Variants in BUB3 observed in about 807,000 individuals in gnomAD.
The protein encoded by BUB3 is BUB3 mitotic checkpoint protein.
BUB3 carries 22 observed loss-of-function variants against 39.9 expected under a neutral mutation model. That is an observed-to-expected ratio of 0.55 (90% CI 0.39 to 0.79). The LOEUF (loss-of-function observed/expected upper bound fraction) is 0.79, where lower values mean the gene tolerates loss of function less well. BUB3 is among the 30% of genes least tolerant of loss of function. The pLI, the probability that BUB3 is intolerant of heterozygous loss-of-function variation, is 0.00. For synonymous variants in BUB3, 168 were observed against 155.1 expected (o/e 1.08, Z -0.62); for missense variants, 303 against 415.4 (o/e 0.73, Z 2.35).
In BUB3 at chr10:123,155,126, C is replaced by T. The variant is rs763063240; in HGVS notation, c.195+14C>T. 3 of 1,611,486 alleles carry T rather than the reference C, an allele frequency of 1.9e-6. No homozygotes were observed. Among genetic ancestry groups the T allele is most frequent in the Admixed American group, 1.7e-5 (1 of 59,948 alleles). ...TGCGCCTTCTACGTAGGTGCCCTCC[C>T]GCCCTGCTCCTGCCCTCTTACTGTG... On this transcript the variant is annotated intron_variant, in intron 2 of 7. Coordinates refer to ENST00000368865, the MANE Select transcript of BUB3 (RefSeq NM_004725.4).
In BUB3 at chr10:123,163,810, G is replaced by A; in HGVS notation, c.972-10G>A. ...TCTCATGCTGTTCTTTTTTTCTTTT[G>A]AACTTGTAGGTCACCATGTACTTGA... On this transcript the variant is annotated splice_polypyrimidine_tract_variant and intron_variant, in intron 7 of 7. Coordinates refer to ENST00000368865, the MANE Select transcript of BUB3 (RefSeq NM_004725.4). 6.2e-7 allele frequency: 1 copy of A among 1,603,324 alleles called. No individual in the cohort carries two copies. Among genetic ancestry groups the A allele is most frequent in the Non-Finnish European group, 8.5e-7 (1 of 1,172,512 alleles).
At position 123,165,286 on chromosome 10, in the gene BUB3, C is replaced by T. The variant is rs1211945768; in HGVS notation, c.*1451C>T. The T allele has an allele frequency of 2.1e-6, 1 of 471,476 alleles. No individual in the cohort carries two copies. The highest frequency in any genetic ancestry group is 1.9e-5 in the African/African-American group (1 of 51,494). 29.2% of individuals were successfully genotyped at this position (471,476 alleles called of 1,614,324 possible). On this transcript the variant is annotated 3_prime_UTR_variant, in exon 8 of 8. Coordinates refer to ENST00000368865, the MANE Select transcript of BUB3 (RefSeq NM_004725.4). Reference sequence around the variant, plus strand: ...CCCCTAGTAAGCCCAGTTGCTGTATCTGAACAGTTTGAGCTCTTTTTGTAA... The same window carrying T: ...CCCCTAGTAAGCCCAGTTGCTGTATTTGAACAGTTTGAGCTCTTTTTGTAA...
chr10:123,163,912 T>C lies in BUB3; in HGVS notation c.*77T>C. Reference sequence around the variant, plus strand: ...CTCCCCAATGGTGGATTTATTACTATTAAAGAAACCAGGGAAAATATTAAT... The same window carrying C: ...CTCCCCAATGGTGGATTTATTACTACTAAAGAAACCAGGGAAAATATTAAT... On this transcript the variant is annotated 3_prime_UTR_variant, in exon 8 of 8. Transcript: ENST00000368865. The C allele has an allele frequency of 6.9e-7, 1 of 1,440,726 alleles. No homozygotes were observed. The highest frequency in any genetic ancestry group is 1.4e-5 in the South Asian group (1 of 69,398). 89.2% of individuals were successfully genotyped at this position (1,440,726 alleles called of 1,614,324 possible).
At chr10:123,158,929 G>T (rs1225350674) in intron 4 of BUB3, among the ~76,000 whole-genome samples, 2 of 152,124 alleles carry the variant, frequency 1.3e-5, no homozygotes, top group Non-Finnish European at 2.9e-5. Context: ...ATGATCAGTG[G>T]GGATAGAAAG....
rs1005939917 is a variant in BUB3 at position 123,167,222 on chromosome 10, A to G, written c.*3387A>G. The stretch of plus-strand genomic sequence containing the variant: ...TGAGAGCCAGGTTACTTTCTTCACT[A>G]TCACTCCGACGCTTGTGTTGATTCC... On this transcript the variant is annotated 3_prime_UTR_variant, in exon 8 of 8. Coordinates refer to ENST00000368865, the MANE Select transcript of BUB3 (RefSeq NM_004725.4). The G allele has an allele frequency of 6.6e-6, 1 of 152,166 alleles. No individual in the cohort carries two copies. The highest frequency in any genetic ancestry group is 1.5e-5 in the Non-Finnish European group (1 of 68,036). 9.4% of individuals were successfully genotyped at this position (152,166 alleles called of 1,614,324 possible).
Position 123,164,892 on chromosome 10 carries a change from G to C in BUB3, c.*1057G>C. ...TTAATTTGCAAATGTATGTCTCTGAGTAGGACTTGGACCTTTCCTGAGATT... is the reference window on the plus strand; with the variant it reads ...TTAATTTGCAAATGTATGTCTCTGACTAGGACTTGGACCTTTCCTGAGATT... On this transcript the variant is annotated 3_prime_UTR_variant, in exon 8 of 8. Coordinates refer to ENST00000368865, the MANE Select transcript of BUB3 (RefSeq NM_004725.4). 2 of 1,407,128 alleles carry C rather than the reference G, an allele frequency of 1.4e-6. No homozygotes were observed. The allele number at this position is 1,407,128 out of a possible 1,614,324, so 87.2% of individuals were successfully genotyped here.
intron 4 of BUB3, among the ~76,000 whole-genome samples, chr10:123,158,986 A>T (rs1844385728): frequency 6.6e-6 from 1 of 152,210 alleles, no homozygotes; most frequent in East Asian, 1.9e-4. Flanking sequence ...GATTTAAGAT[A>T]AAATTCCCAG....
rs1205857490 is a variant in BUB3 at position 123,168,032 on chromosome 10, C to T, written c.*4197C>T. On this transcript the variant is annotated 3_prime_UTR_variant, in exon 8 of 8. Coordinates refer to ENST00000368865, the MANE Select transcript of BUB3 (RefSeq NM_004725.4). ...CCCAGGCAGGTCTCGAACTCCTGGG[C>T]TCAAGCTATCCTCCCGCCTCTTGCC... is the stretch of plus-strand genomic sequence containing the variant. 1 of 151,994 alleles carries T rather than the reference C, an allele frequency of 6.6e-6. No individual in the cohort carries two copies. The highest frequency in any genetic ancestry group is 1.5e-5 in the Non-Finnish European group (1 of 68,004). 9.4% of individuals were successfully genotyped at this position (151,994 alleles called of 1,614,324 possible). A position where few individuals can be genotyped will look rare whatever the true frequency, so the allele number is the denominator to read the frequency against.
chr10:123,162,594 T>C lies in BUB3; in HGVS notation c.755-18T>C, dbSNP rs1348502407. 6.3e-7 allele frequency: 1 copy of C among 1,599,260 alleles called. No individual in the cohort carries two copies. The highest frequency in any genetic ancestry group is 8.5e-7 in the Non-Finnish European group (1 of 1,175,318). Reference sequence around the variant, plus strand: ...CTGGTGTTAAGAACCATTTTAACTGTTTTGAAATTACTTCCAGGTGGTTCT... The same window carrying C: ...CTGGTGTTAAGAACCATTTTAACTGCTTTGAAATTACTTCCAGGTGGTTCT... On this transcript the variant is annotated intron_variant, in intron 6 of 7. Coordinates refer to ENST00000368865, the MANE Select transcript of BUB3 (RefSeq NM_004725.4).
At position 123,162,682 on chromosome 10, in the gene BUB3, C is replaced by T; in HGVS notation, c.825C>T (p.Tyr275=). 1 of 1,609,416 alleles carries T rather than the reference C, an allele frequency of 6.2e-7. No homozygotes were observed. Among genetic ancestry groups the T allele is most frequent in the Non-Finnish European group, 8.5e-7 (1 of 1,178,914 alleles). ...AGCGACTGTGCCAATTCCATCGGTA[C>T]CCCACGAGCATCGCATCACTTGCCT... The part of the protein sequence containing the change: ...NKKRLCQFHR[Y]PTSIASLAFS... Residue 275 remains tyrosine (Y), a synonymous_variant, in exon 7 of 8, where the codon TAC becomes TAT. Transcript: ENST00000368865.
chr10:123,154,790 C>T (rs1320071567), intron 1 of BUB3, 128 bp from the exon 2 acceptor site: 5 of 1,024,618 alleles, frequency 4.9e-6, no homozygotes, highest in Admixed American at 2.8e-5. Flanking sequence ...TCGGCGCAGG[C>T]GCAAGCGCAG....
intron 1 of BUB3, among the ~76,000 whole-genome samples, chr10:123,154,706 G>A (rs556710171): frequency 6.6e-6 from 1 of 152,300 alleles, no homozygotes; most frequent in Non-Finnish European, 1.5e-5. Flanking sequence ...GGGGGACGGC[G>A]GTGCGGGCTG....
chr10:123,164,921 T>A lies in BUB3; in HGVS notation c.*1086T>A. 6.9e-7 allele frequency: 1 copy of A among 1,459,562 alleles called. No homozygotes were observed. 90.4% of individuals were successfully genotyped at this position (1,459,562 alleles called of 1,614,324 possible). On this transcript the variant is annotated 3_prime_UTR_variant, in exon 8 of 8. Transcript: ENST00000368865. ...GACTTGGACCTTTCCTGAGATTTAT[T>A]TTATCCGTGATGTATTTTTTTTAAT...
chr10:123,163,003 C>T lies in BUB3; in HGVS notation c.971+175C>T, dbSNP rs181158230. 292 of 623,466 alleles carry T rather than the reference C, an allele frequency of 4.7e-4. 1 individual carries two copies. The African/African-American group carries it at 5.0e-3, about 11-fold the overall frequency. 38.6% of individuals were successfully genotyped at this position (623,466 alleles called of 1,614,324 possible). A position where few individuals can be genotyped will look rare whatever the true frequency, so the allele number is the denominator to read the frequency against. ...CTTTCAATATCCGTAGGTTGATAGA[C>T]GTCTGATGGATAAAATTGTGCCTAG... On this transcript the variant is annotated intron_variant, in intron 7 of 7. Transcript: ENST00000368865.
chr10:123,162,494 C>G, intron 6 of BUB3, 81 bp downstream of exon 6: 3 of 1,555,794 alleles, frequency 1.9e-6, no homozygotes, highest in Non-Finnish European at 2.6e-6. Flanking sequence ...GAAAAAAAAT[C>G]TGTACAGTGC....
In BUB3 at chr10:123,164,766, A is replaced by G. The variant is rs541148780; in HGVS notation, c.*931A>G. The G allele has an allele frequency of 1.0e-5, 12 of 1,162,756 alleles. No individual in the cohort carries two copies. The highest frequency in any genetic ancestry group is 5.3e-6 in the Non-Finnish European group (5 of 943,938). The allele number at this position is 1,162,756 out of a possible 1,614,324, so 72.0% of individuals were successfully genotyped here. A position where few individuals can be genotyped will look rare whatever the true frequency, so the allele number is the denominator to read the frequency against. ...AGAAAAAAATTATAGTGAGAATGAG[A>G]TTCATTTCAATGTAATGCACTAAAG... On this transcript the variant is annotated 3_prime_UTR_variant, in exon 8 of 8. Coordinates refer to ENST00000368865, the MANE Select transcript of BUB3 (RefSeq NM_004725.4).
intron 2 of BUB3, 103 bp downstream of exon 2, chr10:123,155,215 G>A (rs1004353391): frequency 7.6e-7 from 1 of 1,308,744 alleles, no homozygotes; most frequent in Non-Finnish European, 1.0e-6. Flanking sequence ...CTGTCGGTGG[G>A]GTTATTTGGA....
In BUB3 at chr10:123,163,855, G is replaced by T; in HGVS notation, c.*20G>T. ...ACTTGACAAGATTTCATTTACTTAA[G>T]TGCCATGTTGATGATAATAAAACAA... On this transcript the variant is annotated 3_prime_UTR_variant, in exon 8 of 8. Transcript: ENST00000368865. The T allele has an allele frequency of 6.2e-7, 1 of 1,602,084 alleles. No homozygotes were observed.
rs1844495044 is a variant in BUB3 at position 123,166,585 on chromosome 10, T to G, written c.*2750T>G. On this transcript the variant is annotated 3_prime_UTR_variant, in exon 8 of 8. Transcript: ENST00000368865. ...ATTCTAAAAAATTTCTAAAAGATTT[T>G]TAAAAAATGTATTCTGATGTCATAC... The G allele has an allele frequency of 6.6e-6, 1 of 152,196 alleles. No homozygotes were observed. Among genetic ancestry groups the G allele is most frequent in the South Asian group, 2.1e-4 (1 of 4,836 alleles). The allele number at this position is 152,196 out of a possible 1,614,324, so 9.4% of individuals were successfully genotyped here. A position where few individuals can be genotyped will look rare whatever the true frequency, so the allele number is the denominator to read the frequency against.
Sources: gnomAD v4.1 joint callset for allele counts (sites outside exome capture counted in the v4.1 genomes callset) on GRCh38, gnomAD v4.1.1 for gene constraint, MANE v1.5 for transcripts, NCBI Gene and HGNC (gene_info 2026-07-23, HGNC 2026-07-21) for gene names.